RPH3A: variants seen among roughly 807,000 people sequenced by gnomAD.
The protein encoded by RPH3A is rabphilin 3A.
RPH3A carries 48 observed loss-of-function variants against 102.2 expected under a neutral mutation model. The observed-to-expected ratio is 0.47, with a 90% confidence interval of 0.37 to 0.60. RPH3A has a LOEUF of 0.60. RPH3A is among the 20% of genes least tolerant of loss of function. The pLI, the probability that RPH3A is intolerant of heterozygous loss-of-function variation, is 0.00. For synonymous variants in RPH3A, 310 were observed against 324.3 expected, an observed-to-expected ratio of 0.96 and a Z score of 0.47; for missense variants, 781 against 910.1, an observed-to-expected ratio of 0.86 and a Z score of 1.83.
chr12:112,794,053 G>A (rs1163780600), intron 2 of RPH3A, among the ~76,000 whole-genome samples: 1 of 152,152 alleles, frequency 6.6e-6, no homozygotes, highest in East Asian at 1.9e-4. Context: ...CTCTCCACTG[G>A]GTCACTTCCT....
chr12:112,584,117 CG>C (rs1215595006), intron 1 of RPH3A, among the ~76,000 whole-genome samples: 1 of 152,088 alleles, frequency 6.6e-6, no homozygotes, highest in Non-Finnish European at 1.5e-5. Context: ...CTGCAGAAAA[CG>C]GGGAATCCAA....
At chr12:112,749,220 A>G (rs1303512573) in intron 1 of RPH3A, among the ~76,000 whole-genome samples, 2 of 152,134 alleles carry the variant, frequency 1.3e-5, no homozygotes, top group Non-Finnish European at 2.9e-5. Flanking sequence ...CCTTCAATCC[A>G]TTTGATCCAA....
At chr12:112,723,579 C>T (rs1339277987) in intron 1 of RPH3A, among the ~76,000 whole-genome samples, 1 of 152,162 alleles carries the variant, frequency 6.6e-6, no homozygotes, top group Non-Finnish European at 1.5e-5. Context: ...TCACTAATGG[C>T]ATTTTGTATG....
intron 20 of RPH3A, 23 bp from the exon 21 acceptor site, chr12:112,895,754 A>G (rs1195835283): frequency 1.3e-6 from 2 of 1,573,046 alleles, no homozygotes; most frequent in Admixed American, 3.3e-5. Context: ...TCTTACCCAC[A>G]TGTCTTCCTC....
chr12:112,729,951 C>T (rs2040621387), intron 1 of RPH3A, among the ~76,000 whole-genome samples: 1 of 152,074 alleles, frequency 6.6e-6, no homozygotes, highest in Non-Finnish European at 1.5e-5. Flanking sequence ...ATGATGGGCC[C>T]CTAATCCAAT....
chr12:112,654,835 C>A (rs2039998831), intron 1 of RPH3A, among the ~76,000 whole-genome samples: 1 of 152,168 alleles, frequency 6.6e-6, no homozygotes, highest in Non-Finnish European at 1.5e-5. Context: ...GGTAGAAACA[C>A]CACTTTGATA....
intron 1 of RPH3A, among the ~76,000 whole-genome samples, chr12:112,630,112 TCATCTACCCATCCATC>T (rs1377745051): frequency 6.6e-6 from 1 of 151,936 alleles, no homozygotes; most frequent in Admixed American, 6.6e-5. Context: ...GCCTAACCAC[TCATCTACCCATCCATC>T]CATCTACCCA....
At position 112,713,054 on chromosome 12, in the gene RPH3A, T is replaced by A. The variant is rs946695624; in HGVS notation, c.-139-79089T>A. Among the ~76,000 whole-genome samples, 2 of 63,430 alleles carry A rather than the reference T, an allele frequency of 3.2e-5. 1 individual carries two copies. The highest frequency in any genetic ancestry group is 7.0e-5 in the African/African-American group (2 of 28,522). The allele number at this position is 63,430 out of a possible 152,430, so 41.6% of individuals were successfully genotyped here. ...TTCTTCTTCTTCTTCTTCTTCTCCT[T>A]CTTCTTCTTCTTCTTCTTCTTCTTC... On this transcript the variant is annotated intron_variant, in intron 1 of 21. Transcript: ENST00000543106.
intron 1 of RPH3A, among the ~76,000 whole-genome samples, chr12:112,740,736 A>G (rs2040703115): frequency 6.6e-6 from 1 of 152,208 alleles, no homozygotes; most frequent in Non-Finnish European, 1.5e-5. Context: ...TGTAATTAAC[A>G]CCACAGTTCA....
At chr12:112,751,592 C>T (rs2136061087) in intron 1 of RPH3A, among the ~76,000 whole-genome samples, 2 of 152,206 alleles carry the variant, frequency 1.3e-5, no homozygotes, top group African/African-American at 4.8e-5. Context: ...AGCCTTAAGA[C>T]TGTGCATAAG....
chr12:112,854,001 T>C (rs372099061), intron 5 of RPH3A, among the ~76,000 whole-genome samples: 1 of 152,242 alleles, frequency 6.6e-6, no homozygotes, highest in East Asian at 1.9e-4. Context: ...ATGGCCTCCC[T>C]GACCTCATCT....
intron 1 of RPH3A, among the ~76,000 whole-genome samples, chr12:112,755,340 T>C (rs907233882): frequency 7.8e-5 from 11 of 141,716 alleles, no homozygotes; most frequent in East Asian, 2.0e-4. Flanking sequence ...CACACACACA[T>C]ACATATGCAT....
intron 1 of RPH3A, among the ~76,000 whole-genome samples, chr12:112,741,530 G>A (rs2040709385): frequency 6.6e-6 from 1 of 152,142 alleles, no homozygotes; most frequent in Admixed American, 6.5e-5. Flanking sequence ...GAGAGAGTGA[G>A]CTTTCGACCC....
At chr12:112,844,501 A>G (rs1316277152) in intron 4 of RPH3A, among the ~76,000 whole-genome samples, 5 of 152,202 alleles carry the variant, frequency 3.3e-5, no homozygotes, top group Non-Finnish European at 7.3e-5. Context: ...AGATGAGAAC[A>G]TGGCCCAGCC....
chr12:112,780,876 C>T (rs936116330), intron 1 of RPH3A, among the ~76,000 whole-genome samples: 4 of 152,120 alleles, frequency 2.6e-5, no homozygotes, highest in South Asian at 2.1e-4. Flanking sequence ...CTCTGGTAGC[C>T]GGGCATGGTG....
At chr12:112,857,102 G>A (rs916118111) in intron 5 of RPH3A, among the ~76,000 whole-genome samples, 10 of 152,206 alleles carry the variant, frequency 6.6e-5, no homozygotes, top group Non-Finnish European at 1.2e-4. Flanking sequence ...GGGAGTCTAC[G>A]CTTTCTTGGG....
At chr12:112,661,718 G>C (rs767271583) in intron 1 of RPH3A, among the ~76,000 whole-genome samples, 8 of 151,746 alleles carry the variant, frequency 5.3e-5, no homozygotes, top group Non-Finnish European at 7.4e-5. Flanking sequence ...TTTGTCTCCT[G>C]TTCAGTCTTC....
intron 1 of RPH3A, among the ~76,000 whole-genome samples, chr12:112,611,486 G>T (rs559431562): frequency 6.6e-6 from 1 of 151,240 alleles, no homozygotes; most frequent in African/African-American, 2.4e-5. Context: ...TTTTTTTTTC[G>T]GGAGTACAAT....
chr12:112,898,803 C>A lies in RPH3A; in HGVS notation c.*2023C>A, dbSNP rs1461353709. 6.6e-6 allele frequency: 1 copy of A among 152,322 alleles called. No homozygotes were observed. Among genetic ancestry groups the A allele is most frequent in the Non-Finnish European group, 1.5e-5 (1 of 68,072 alleles). 9.4% of individuals were successfully genotyped at this position (152,322 alleles called of 1,614,324 possible). A position where few individuals can be genotyped will look rare whatever the true frequency, so the allele number is the denominator to read the frequency against. ...CTCCCTGCCTAGAATACACACACGT[C>A]CTCCGGTGCATGCACAACCACCCAG... On this transcript the variant is annotated 3_prime_UTR_variant, in exon 22 of 22. Coordinates refer to ENST00000389385, the MANE Select transcript of RPH3A (RefSeq NM_001143854.2).
Sources: allele counts gnomAD v4.1 joint callset (sites outside exome capture counted in the v4.1 genomes callset), GRCh38; gene constraint gnomAD v4.1.1; transcripts MANE v1.5; gene names NCBI Gene and HGNC (gene_info 2026-07-23, HGNC 2026-07-21).